MYO3B: variants seen among roughly 807,000 people sequenced by gnomAD.
The protein encoded by MYO3B is myosin IIIB.
A neutral mutation model predicts 174.6 loss-of-function variants in MYO3B; 156 were observed. The ratio of observed to expected loss-of-function variants is 0.89; its 90% CI spans 0.78 to 1.02. The LOEUF (loss-of-function observed/expected upper bound fraction) is 1.02, where lower values mean the gene tolerates loss of function less well. MYO3B is among the 50% of genes least tolerant of loss of function. MYO3B has a pLI of 0.00. For missense variants in MYO3B, 1,632 were observed against 1,639.4 expected (o/e 1.00, Z 0.08); for synonymous variants, 563 against 569.1 (o/e 0.99, Z 0.15).
intron 7 of MYO3B, among the ~76,000 whole-genome samples, chr2:170,305,779 G>T (rs2093697099): frequency 6.6e-6 from 1 of 151,828 alleles, no homozygotes; most frequent in African/African-American, 2.4e-5. Context: ...TTCGAAACAG[G>T]GTCTTACTAT....
chr2:170,543,113 A>G (rs1690231776), intron 31 of MYO3B, 147 bp downstream of exon 31: 1 of 665,196 alleles, frequency 1.5e-6, no homozygotes, highest in African/African-American at 1.8e-5. Flanking sequence ...TTGAGACAAA[A>G]GCCCAGCTTG....
chr2:170,398,888 C>T (rs187599197), intron 16 of MYO3B, among the ~76,000 whole-genome samples: 13 of 152,116 alleles, frequency 8.5e-5, no homozygotes, highest in African/African-American at 2.2e-4. Flanking sequence ...ATTTTTGATC[C>T]GTGTTTGGTT....
At chr2:170,624,217 C>A (rs1696192360) in intron 32 of MYO3B, among the ~76,000 whole-genome samples, 1 of 152,128 alleles carries the variant, frequency 6.6e-6, no homozygotes, top group African/African-American at 2.4e-5. Context: ...ATGGAATGTT[C>A]TTCCATTTGT....
chr2:170,647,014 G>T, intron 32 of MYO3B: 1 of 887,126 alleles, frequency 1.1e-6, no homozygotes, highest in Non-Finnish European at 1.7e-6. Flanking sequence ...TCCATCATAT[G>T]GAACGTTTTA....
In MYO3B at chr2:170,563,031, TACAC is replaced by T. The variant is rs56861648; in HGVS notation, c.3733+19072_3733+19075del. On this transcript the variant is annotated intron_variant, in intron 32 of 34. Transcript: ENST00000408978. ...ACACTACAAAGTTGTAAAACATGCA[TACAC>T]ACACACACACACACACACACACACA... 2.7e-3 allele frequency among the ~76,000 whole-genome samples: 377 copies of T among 138,664 alleles called. 2 individuals are homozygous for T. Among genetic ancestry groups the T allele is most frequent in the East Asian group, 0.02 (91 of 4,644 alleles). The allele number at this position is 138,664 out of a possible 152,430, so 91.0% of individuals were successfully genotyped here. A position where few individuals can be genotyped will look rare whatever the true frequency, so the allele number is the denominator to read the frequency against.
At chr2:170,364,255 G>T (rs921059530) in intron 8 of MYO3B, among the ~76,000 whole-genome samples, 1 of 149,848 alleles carries the variant, frequency 6.7e-6, no homozygotes, top group Non-Finnish European at 1.5e-5. Flanking sequence ...GGCTAAGTAA[G>T]CTTGGAAACG....
chr2:170,209,966 G>A (rs1377465556), intron 3 of MYO3B, among the ~76,000 whole-genome samples: 2 of 152,096 alleles, frequency 1.3e-5, no homozygotes, highest in Non-Finnish European at 2.9e-5. Context: ...CAAAAGCTAG[G>A]TGTCAGGAAA....
intron 6 of MYO3B, among the ~76,000 whole-genome samples, chr2:170,231,028 G>A (rs2093010294): frequency 6.6e-6 from 1 of 152,188 alleles, no homozygotes; most frequent in Non-Finnish European, 1.5e-5. Flanking sequence ...GTTTTTCTCT[G>A]CCATTTTCTG....
intron 32 of MYO3B, among the ~76,000 whole-genome samples, chr2:170,603,683 G>A (rs570739182): frequency 6.6e-6 from 1 of 152,140 alleles, no homozygotes; most frequent in Admixed American, 6.5e-5. Context: ...TTAGGCAAAG[G>A]TTTTGTGTAA....
intron 24 of MYO3B, among the ~76,000 whole-genome samples, chr2:170,463,789 T>C (rs1166418385): frequency 6.6e-6 from 1 of 152,320 alleles, no homozygotes; most frequent in East Asian, 1.9e-4. Flanking sequence ...GACTTTATTT[T>C]CCTAGATTGA....
chr2:170,461,851 C>A (rs890495802), intron 23 of MYO3B, among the ~76,000 whole-genome samples: 9 of 151,550 alleles, frequency 5.9e-5, no homozygotes, highest in Admixed American at 5.9e-4. Context: ...TCGGCGGGGC[C>A]GGGGTAGAAG....
At chr2:170,523,404 A>G (rs1331170343) in intron 30 of MYO3B, among the ~76,000 whole-genome samples, 1 of 130,626 alleles carries the variant, frequency 7.7e-6, no homozygotes, top group African/African-American at 2.9e-5. Flanking sequence ...TTGTCAACTC[A>G]GTGTTCTGTG....
intron 32 of MYO3B, among the ~76,000 whole-genome samples, chr2:170,647,358 G>A (rs1698469627): frequency 6.6e-6 from 1 of 152,130 alleles, no homozygotes; most frequent in African/African-American, 2.4e-5. Flanking sequence ...AGTACACTGT[G>A]TATAGGATAA....
chr2:170,233,995 C>T (rs1418104504), intron 6 of MYO3B, among the ~76,000 whole-genome samples: 1 of 151,402 alleles, frequency 6.6e-6, no homozygotes, highest in Non-Finnish European at 1.5e-5. Context: ...AACGGTGAAA[C>T]CCCGTCTCTA....
intron 29 of MYO3B, among the ~76,000 whole-genome samples, chr2:170,515,248 C>T (rs1034981067): frequency 9.8e-5 from 15 of 152,334 alleles, no homozygotes; most frequent in African/African-American, 3.6e-4. Context: ...CCGTTCCTCA[C>T]AGTTGCCCCT....
rs4667642 is a variant in MYO3B at position 170,540,811 on chromosome 2, A to G, written c.3576-2095A>G. On this transcript the variant is annotated intron_variant, in intron 30 of 34. Coordinates refer to ENST00000408978, the MANE Select transcript of MYO3B (RefSeq NM_138995.5). ...TCAGTAGTGCCTCAACATGGTACAG[A>G]GGAGAAGGGTCCATTGTTAAAATAA... Among the ~76,000 whole-genome samples the G allele has an allele frequency of 0.024, 3,613 of 152,296 alleles. 547 individuals are homozygous for G. The East Asian group carries it at 0.44, about 19-fold the overall frequency.
At chr2:170,399,523 ATAATT>A (rs1299025033) in intron 16 of MYO3B, among the ~76,000 whole-genome samples, 3 of 151,624 alleles carry the variant, frequency 2.0e-5, no homozygotes, top group African/African-American at 7.3e-5. Flanking sequence ...ATATAAAAAT[ATAATT>A]TAATATACAA....
At chr2:170,463,054 T>C (rs1014924354) in intron 23 of MYO3B, among the ~76,000 whole-genome samples, 12 of 152,242 alleles carry the variant, frequency 7.9e-5, no homozygotes, top group African/African-American at 2.9e-4. Context: ...TTTTAAGCAA[T>C]AGTTTGGTCT....
At chr2:170,334,429 C>G (rs1434069025) in intron 7 of MYO3B, 1 of 152,118 alleles carries the variant, frequency 6.6e-6, no homozygotes, top group Non-Finnish European at 1.5e-5. Flanking sequence ...ATTCCTCTGC[C>G]TATTGAATCT....
Sources: gnomAD v4.1 joint callset for allele counts (sites outside exome capture counted in the v4.1 genomes callset) on GRCh38, gnomAD v4.1.1 for gene constraint, MANE v1.5 for transcripts, NCBI Gene and HGNC (gene_info 2026-07-23, HGNC 2026-07-21) for gene names.